Variants in KHDRBS2 observed in about 807,000 individuals in gnomAD.
KHDRBS2 encodes the protein KH RNA binding domain containing, signal transduction associated 2.
Under a neutral mutation model 44.3 loss-of-function variants are expected in KHDRBS2, and 26 were observed. The ratio of observed to expected loss-of-function variants is 0.59; its 90% confidence interval spans 0.43 to 0.81. KHDRBS2 has a LOEUF of 0.81. Ranked by LOEUF, KHDRBS2 falls within the 40% of genes least tolerant of loss-of-function variation. KHDRBS2 has a pLI of 0.00. For synonymous variants in KHDRBS2, 194 were observed against 151.1 expected, an observed-to-expected ratio of 1.28 and a Z score of -2.08; for missense variants, 476 against 433.1, an observed-to-expected ratio of 1.10 and a Z score of -0.88.
the KHDRBS2 span, among the ~76,000 whole-genome samples, chr6:61,552,529 T>C: frequency 6.6e-6 from 1 of 151,966 alleles, no homozygotes; most frequent in Middle Eastern, 3.4e-3. Flanking sequence ...GGTTTTCCAG[T>C]ACTATGTTGA....
chr6:61,584,561 T>C, the KHDRBS2 span, among the ~76,000 whole-genome samples: 14 of 151,866 alleles, frequency 9.2e-5, no homozygotes, highest in Non-Finnish European at 1.5e-4. Context: ...ACGTTTATCA[T>C]TTTTTGTATA....
chr6:62,087,157 C>T (rs765369552), intron 2 of KHDRBS2, among the ~76,000 whole-genome samples: 18 of 152,022 alleles, frequency 1.2e-4, no homozygotes, highest in Non-Finnish European at 2.1e-4. Context: ...CAAATCCAGT[C>T]TCATGCAGTT....
At chr6:62,184,352 A>G (rs1463203564) in intron 1 of KHDRBS2, among the ~76,000 whole-genome samples, 4 of 151,752 alleles carry the variant, frequency 2.6e-5, no homozygotes, top group African/African-American at 9.7e-5. Context: ...AAATTTCAGT[A>G]TCAAAAAATG....
intron 7 of KHDRBS2, among the ~76,000 whole-genome samples, chr6:61,719,107 T>C (rs1313014064): frequency 1.3e-5 from 2 of 152,180 alleles, no homozygotes; most frequent in African/African-American, 2.4e-5. Flanking sequence ...TGTGAGTTCC[T>C]CACCTGATAC....
chr6:61,597,333 C>A, the KHDRBS2 span, among the ~76,000 whole-genome samples: 1 of 152,036 alleles, frequency 6.6e-6, no homozygotes, highest in Non-Finnish European at 1.5e-5. Flanking sequence ...GATTCTGTGT[C>A]TTAATTGGAT....
the KHDRBS2 span, among the ~76,000 whole-genome samples, chr6:61,619,515 T>A: frequency 6.6e-6 from 1 of 152,124 alleles, no homozygotes; most frequent in African/African-American, 2.4e-5. Context: ...AGTGCAATGG[T>A]GCAACCTCAG....
chr6:61,726,628 A>G (rs373235886), intron 7 of KHDRBS2, among the ~76,000 whole-genome samples: 15 of 152,120 alleles, frequency 9.9e-5, no homozygotes, highest in Admixed American at 3.3e-4. Flanking sequence ...TACATCAACA[A>G]TAGACAAGCA....
the KHDRBS2 span, among the ~76,000 whole-genome samples, chr6:61,671,738 A>G: frequency 1.5e-3 from 222 of 151,926 alleles, no homozygotes; most frequent in Non-Finnish European, 2.2e-3. Context: ...CCTTTTAAAA[A>G]TATTTAACAC....
At chr6:61,681,366 C>T (rs1463385396) in intron 8 of KHDRBS2, among the ~76,000 whole-genome samples, 1 of 151,792 alleles carries the variant, frequency 6.6e-6, no homozygotes, top group South Asian at 2.1e-4. Context: ...ATATAGGAAA[C>T]CAGTAGTCCT....
At chr6:62,140,786 A>G (rs2150097865) in intron 2 of KHDRBS2, among the ~76,000 whole-genome samples, 1 of 152,310 alleles carries the variant, frequency 6.6e-6, no homozygotes, top group South Asian at 2.1e-4. Context: ...GCAAAGAGAA[A>G]AACCACAGAA....
At chr6:61,856,922 AAC>A (rs1194814760) in intron 6 of KHDRBS2, among the ~76,000 whole-genome samples, 1 of 152,094 alleles carries the variant, frequency 6.6e-6, no homozygotes, top group African/African-American at 2.4e-5. Flanking sequence ...TTGGGAAAAA[AAC>A]AGTTTCTTTG....
At chr6:61,647,222 A>G in the KHDRBS2 span, among the ~76,000 whole-genome samples, 2 of 152,174 alleles carry the variant, frequency 1.3e-5, no homozygotes, top group Non-Finnish European at 2.9e-5. Flanking sequence ...TGATGGTGAA[A>G]GTATTTTATA....
intron 3 of KHDRBS2, among the ~76,000 whole-genome samples, chr6:62,046,677 C>G (rs1236990232): frequency 6.6e-6 from 1 of 151,846 alleles, no homozygotes; most frequent in African/African-American, 2.4e-5. Flanking sequence ...TGTGGCAGGA[C>G]AAAAGCTTAT....
intron 2 of KHDRBS2, among the ~76,000 whole-genome samples, chr6:62,078,522 T>A (rs1478853638): frequency 1.3e-5 from 2 of 151,908 alleles, no homozygotes; most frequent in African/African-American, 4.8e-5. Flanking sequence ...AAAACAAAGA[T>A]AAAAATACTG....
chr6:61,756,366 T>G (rs1778485221), intron 6 of KHDRBS2, among the ~76,000 whole-genome samples: 1 of 152,064 alleles, frequency 6.6e-6, no homozygotes, highest in South Asian at 2.1e-4. Flanking sequence ...AATCAATCGA[T>G]TCTCCTGCCT....
the KHDRBS2 span, among the ~76,000 whole-genome samples, chr6:61,598,021 C>T: frequency 6.7e-6 from 1 of 149,978 alleles, no homozygotes; most frequent in Non-Finnish European, 1.5e-5. Flanking sequence ...TCTGAGCAGC[C>T]AGCCTTTCAC....
chr6:61,725,782 T>C (rs765564937), intron 7 of KHDRBS2, among the ~76,000 whole-genome samples: 114 of 152,090 alleles, frequency 7.5e-4, no homozygotes, highest in Non-Finnish European at 2.6e-4. Context: ...TAACGAGTTC[T>C]GAAATTGAGG....
At chr6:61,864,904 T>A (rs1797559709) in intron 6 of KHDRBS2, among the ~76,000 whole-genome samples, 1 of 152,232 alleles carries the variant, frequency 6.6e-6, no homozygotes, top group Non-Finnish European at 1.5e-5. Context: ...CTCTTTCAGG[T>A]ACACCAATCA....
At chr6:62,203,843 T>G (rs1207765547) in intron 1 of KHDRBS2, among the ~76,000 whole-genome samples, 1 of 152,128 alleles carries the variant, frequency 6.6e-6, no homozygotes, top group Non-Finnish European at 1.5e-5. Context: ...TATGTTGAAA[T>G]TCAGTGCCAA....
Sources: allele counts gnomAD v4.1 joint callset (sites outside exome capture counted in the v4.1 genomes callset), GRCh38; gene constraint gnomAD v4.1.1; transcripts MANE v1.5; gene names NCBI Gene and HGNC (gene_info 2026-07-23, HGNC 2026-07-21).